The following TMEM117 variants were observed in gnomAD, a reference collection of about 807,000 sequenced individuals.
TMEM117 encodes the protein transmembrane protein 117.
In TMEM117, 27 loss-of-function variants were observed where a neutral mutation model predicts 52.4. The ratio of observed to expected loss-of-function variants is 0.51; its 90% CI spans 0.38 to 0.71. The LOEUF (loss-of-function observed/expected upper bound fraction) is 0.71. Ranked by LOEUF, TMEM117 falls within the 30% of genes least tolerant of loss-of-function variation. The pLI is 0.00. For synonymous variants in TMEM117, 215 were observed against 206.3 expected (o/e 1.04, Z -0.36); for missense variants, 556 against 630.5 (o/e 0.88, Z 1.26).
chr12:44,149,295 T>G (rs547224313), intron 4 of TMEM117, among the ~76,000 whole-genome samples: 1 of 152,182 alleles, frequency 6.6e-6, no homozygotes, highest in South Asian at 2.1e-4. Context: ...CTACGTAAGA[T>G]AGAAAATTGG....
chr12:44,393,446 C>A (rs1158684756), downstream of TMEM117, among the ~76,000 whole-genome samples: 1 of 144,332 alleles, frequency 6.9e-6, no homozygotes, highest in Non-Finnish European at 1.5e-5. Context: ...TCAATACTCA[C>A]ATTAACCTTA....
chr12:44,083,165 CA>C (rs768114014), intron 3 of TMEM117, among the ~76,000 whole-genome samples: 1 of 151,892 alleles, frequency 6.6e-6, no homozygotes, highest in African/African-American at 2.4e-5. Flanking sequence ...TAAACATATG[CA>C]AAAGTTTTTC....
intron 6 of TMEM117, among the ~76,000 whole-genome samples, chr12:44,350,296 T>G (rs1485202694): frequency 6.6e-6 from 1 of 151,892 alleles, no homozygotes; most frequent in Non-Finnish European, 1.5e-5. Context: ...TATCATGGGG[T>G]ACATAAGATT....
At position 44,141,300 on chromosome 12, in the gene TMEM117, T is replaced by TG. The variant is rs571146382; in HGVS notation, c.411-2220dup. On this transcript the variant is annotated intron_variant, in intron 3 of 7. Transcript: ENST00000266534. ...TTGCTATATAGATAATCTCGTGTCATGGGGGTTTGTTTTACAGATTGTTTC... is the reference window on the plus strand; with the variant it reads ...TTGCTATATAGATAATCTCGTGTCATGGGGGGTTTGTTTTACAGATTGTTTC... Among the ~76,000 whole-genome samples, 137 of 152,236 alleles carry TG rather than the reference T, an allele frequency of 9.0e-4. 1 individual carries two copies. Among genetic ancestry groups the TG allele is most frequent in the African/African-American group, 2.9e-3 (119 of 41,564 alleles).
the TMEM117 span, among the ~76,000 whole-genome samples, chr12:43,808,575 A>G: frequency 7.2e-5 from 11 of 152,176 alleles, no homozygotes; most frequent in Non-Finnish European, 1.3e-4. Context: ...TTATGGGGTC[A>G]GTTAAATAAC....
intron 4 of TMEM117, among the ~76,000 whole-genome samples, chr12:44,159,570 T>C (rs1282284557): frequency 1.3e-5 from 2 of 152,120 alleles, no homozygotes. Context: ...GTCCATAATT[T>C]CTAATGAAGG....
intron 6 of TMEM117, among the ~76,000 whole-genome samples, chr12:44,319,347 A>G (rs1951101393): frequency 6.6e-6 from 1 of 152,144 alleles, no homozygotes; most frequent in South Asian, 2.1e-4. Context: ...GGCTTGGGAG[A>G]AACAAAATGC....
At chr12:43,993,729 CT>C (rs1339626865) in intron 3 of TMEM117, among the ~76,000 whole-genome samples, 1 of 152,114 alleles carries the variant, frequency 6.6e-6, no homozygotes, top group Non-Finnish European at 1.5e-5. Context: ...GGGTCTCACT[CT>C]TTTGCCCAGG....
At chr12:43,955,978 A>G (rs1945299681) in intron 3 of TMEM117, among the ~76,000 whole-genome samples, 1 of 152,200 alleles carries the variant, frequency 6.6e-6, no homozygotes, top group Non-Finnish European at 1.5e-5. Flanking sequence ...AGAACTCAGA[A>G]ATAAACTCGC....
the TMEM117 span, among the ~76,000 whole-genome samples, chr12:43,801,464 TA>T: frequency 1.3e-5 from 2 of 152,192 alleles, no homozygotes; most frequent in African/African-American, 4.8e-5. Flanking sequence ...TATTTTTTAA[TA>T]AGAAAAATTC....
chr12:44,393,765 C>T (rs933693519), downstream of TMEM117, among the ~76,000 whole-genome samples: 1 of 152,086 alleles, frequency 6.6e-6, no homozygotes, highest in African/African-American at 2.4e-5. Flanking sequence ...TTAATAACTG[C>T]CTGGATGTAA....
chr12:44,283,427 T>C (rs1233221386), intron 5 of TMEM117, among the ~76,000 whole-genome samples: 1 of 152,192 alleles, frequency 6.6e-6, no homozygotes, highest in African/African-American at 2.4e-5. Flanking sequence ...ACCCACCTCT[T>C]GCATCAGCGT....
rs139483094 is a variant in TMEM117, at chr12:44,106,531, T to A, written c.411-36994T>A. 8.2e-3 allele frequency among the ~76,000 whole-genome samples: 1,244 copies of A among 152,178 alleles called. 13 individuals carry two copies. Among genetic ancestry groups the A allele is most frequent in the African/African-American group, 0.029 (1,185 of 41,550 alleles). On this transcript the variant is annotated intron_variant, in intron 3 of 7. Transcript: ENST00000266534. ...TGGTACAAAGAGTATTAAGTTTCAG[T>A]TAAACAGGAGAAATAAATTTTTGAG...
intron 3 of TMEM117, among the ~76,000 whole-genome samples, chr12:43,977,563 G>T (rs1313486088): frequency 6.6e-6 from 1 of 152,136 alleles, no homozygotes; most frequent in Non-Finnish European, 1.5e-5. Context: ...TAGCTAATTG[G>T]AATTTATTAT....
intron 6 of TMEM117, among the ~76,000 whole-genome samples, chr12:44,329,228 G>A (rs958317630): frequency 6.6e-6 from 1 of 152,074 alleles, no homozygotes; most frequent in African/African-American, 2.4e-5. Context: ...ACAGAATAGA[G>A]GCTCAGCAGC....
intron 5 of TMEM117, among the ~76,000 whole-genome samples, chr12:44,222,929 G>C (rs975883010): frequency 2.0e-5 from 3 of 151,884 alleles, no homozygotes; most frequent in African/African-American, 7.3e-5. Flanking sequence ...TGTTTTGGTG[G>C]TTATAGATCC....
At chr12:44,246,376 G>T (rs1801829059) in intron 5 of TMEM117, among the ~76,000 whole-genome samples, 2 of 152,122 alleles carry the variant, frequency 1.3e-5, no homozygotes, top group South Asian at 4.1e-4. Context: ...CCAGAATAAG[G>T]TATTAATATG....
chr12:43,967,546 C>G (rs1336814900), intron 3 of TMEM117, among the ~76,000 whole-genome samples: 1 of 152,076 alleles, frequency 6.6e-6, no homozygotes, highest in Non-Finnish European at 1.5e-5. Context: ...TATGGAGAGG[C>G]TTATGTGGCA....
intron 3 of TMEM117, among the ~76,000 whole-genome samples, chr12:44,049,330 C>T (rs1416834947): frequency 6.6e-6 from 1 of 152,082 alleles, no homozygotes; most frequent in Non-Finnish European, 1.5e-5. Context: ...AAACCAAACA[C>T]CACATGTTCT....
Sources: allele counts gnomAD v4.1 joint callset (sites outside exome capture counted in the v4.1 genomes callset), GRCh38; gene constraint gnomAD v4.1.1; transcripts MANE v1.5; gene names NCBI Gene and HGNC (gene_info 2026-07-23, HGNC 2026-07-21).